Variants in ZC3H14 observed in about 807,000 individuals in gnomAD.
ZC3H14 encodes zinc finger CCCH domain-containing protein 14.
A neutral mutation model predicts 92.4 loss-of-function variants in ZC3H14; 31 were observed. The ratio of observed to expected loss-of-function variants is 0.34; its 90% CI spans 0.25 to 0.45. The LOEUF is 0.45. ZC3H14 is among the 20% of genes least tolerant of loss of function. The probability of loss-of-function intolerance (pLI) is 1.00; values close to 1 mark genes in which losing one functional copy is unlikely to be tolerated. For missense variants in ZC3H14, 781 were observed against 897.3 expected, an observed-to-expected ratio of 0.87 and a Z score of 1.66; for synonymous variants, 321 against 300.9, an observed-to-expected ratio of 1.07 and a Z score of -0.69.
intron 15 of ZC3H14, among the ~76,000 whole-genome samples, chr14:88,610,172 A>T (rs2086335906): frequency 6.6e-6 from 1 of 152,152 alleles, no homozygotes. Flanking sequence ...CCAAACTTGT[A>T]CTGATGATGG....
chr14:88,564,850 TGTTCTGAGGAAAATCATTTTA>T (rs2079363151), intron 2 of ZC3H14, among the ~76,000 whole-genome samples: 1 of 152,242 alleles, frequency 6.6e-6, no homozygotes. Flanking sequence ...GAAATACGAT[TGTTCTGAGGAAAATCATTTTA>T]GTTGAGAACT....
At position 88,619,111 on chromosome 14, in the gene ZC3H14, A is replaced by C. The variant is rs1174356080; in HGVS notation, c.*7360A>C. On this transcript the variant is annotated 3_prime_UTR_variant, in exon 17 of 17. Transcript: ENST00000251038. ...CCAGGCCCAGTGGCTCACACCTATA[A>C]TCCCAGAACTTTGGGAAGCGGAGGC... 10 of 191,876 alleles carry C rather than the reference A, an allele frequency of 5.2e-5. No individual in the cohort carries two copies. In the Admixed American group the frequency reaches 5.8e-4, roughly 11 times the overall value. 11.9% of individuals were successfully genotyped at this position (191,876 alleles called of 1,614,324 possible).
chr14:88,624,730 A>G lies in ZC3H14; in HGVS notation c.*12979A>G, dbSNP rs1595237760. 2.1e-6 allele frequency: 1 copy of G among 467,416 alleles called. No individual in the cohort carries two copies. The highest frequency in any genetic ancestry group is 4.0e-5 in the East Asian group (1 of 25,176). 29.0% of individuals were successfully genotyped at this position (467,416 alleles called of 1,614,324 possible). A position where few individuals can be genotyped will look rare whatever the true frequency, so the allele number is the denominator to read the frequency against. On this transcript the variant is annotated 3_prime_UTR_variant, in exon 17 of 17. Transcript: ENST00000251038. ...TAAGAAAAGTAACTCAACTTGTAGG[A>G]CAACTACCTATCCACACCTCAGAAA... is the stretch of plus-strand genomic sequence containing the variant.
chr14:88,622,584 C>G lies in ZC3H14; in HGVS notation c.*10833C>G, dbSNP rs1216479852. Reference sequence around the variant, plus strand: ...CTTTCTGTTTTCTGCTGCACTGTATCAGCTCATGGAACATCTTACTTTGCC... The same window carrying G: ...CTTTCTGTTTTCTGCTGCACTGTATGAGCTCATGGAACATCTTACTTTGCC... On this transcript the variant is annotated 3_prime_UTR_variant, in exon 17 of 17. Transcript: ENST00000251038. 1 of 1,564,156 alleles carries G rather than the reference C, an allele frequency of 6.4e-7. No homozygotes were observed. The highest frequency in any genetic ancestry group is 8.7e-7 in the Non-Finnish European group (1 of 1,152,234).
intron 9 of ZC3H14, among the ~76,000 whole-genome samples, chr14:88,581,174 T>C (rs759199959): frequency 3.6e-4 from 55 of 152,350 alleles, no homozygotes; most frequent in Admixed American, 2.0e-4. Context: ...TTTCTAGTTC[T>C]GTCTACTAGA....
intron 10 of ZC3H14, among the ~76,000 whole-genome samples, chr14:88,599,476 C>G: frequency 6.6e-6 from 1 of 152,132 alleles, no homozygotes; most frequent in East Asian, 1.9e-4. Context: ...TACTTACTCC[C>G]CCGTCTGTCT....
chr14:88,609,540 A>G, intron 14 of ZC3H14, 137 bp downstream of exon 14: 1 of 1,422,142 alleles, frequency 7.0e-7, no homozygotes, highest in South Asian at 1.2e-5. Flanking sequence ...CAGTCTTTAA[A>G]GAGCAAGTGT....
In ZC3H14 at chr14:88,614,851, A is replaced by G. The variant is rs758692138; in HGVS notation, c.*3100A>G. On this transcript the variant is annotated 3_prime_UTR_variant, in exon 17 of 17. Transcript: ENST00000251038. ...AAACCTATGGAGTGGCACACATCTA[A>G]ACAAATTTTCCCAATAGAAAAAAGG... 22 of 152,210 alleles carry G rather than the reference A, an allele frequency of 1.4e-4. No homozygotes were observed. Among genetic ancestry groups the G allele is most frequent in the Non-Finnish European group, 2.2e-4 (15 of 68,020 alleles). 9.4% of individuals were successfully genotyped at this position (152,210 alleles called of 1,614,324 possible). A position where few individuals can be genotyped will look rare whatever the true frequency, so the allele number is the denominator to read the frequency against.
In ZC3H14 at chr14:88,610,873, A is replaced by G; in HGVS notation, c.2137A>G (p.Thr713Ala). 6.2e-7 allele frequency: 1 copy of G among 1,614,192 alleles called. No homozygotes were observed. Among genetic ancestry groups the G allele is most frequent in the Middle Eastern group, 1.6e-4 (1 of 6,062 alleles). The change falls in exon 16 of 17, where the codon ACA becomes GCA. Residue 713 changes from threonine to alanine, a missense_variant. Thr to Ala is a moderately conservative substitution (Grantham distance 58, BLOSUM62 0). Transcript: ENST00000251038. ...FNTQCTRPDCTFYHPTINVPP... is the reference protein window; with the variant it reads ...FNTQCTRPDCAFYHPTINVPP... ...CACTCAATGTACAAGACCGGACTGC[A>G]CATTCTACCATCCCACCATTAATGT...
chr14:88,573,472 T>G (rs1341941072), intron 6 of ZC3H14, among the ~76,000 whole-genome samples: 1 of 152,156 alleles, frequency 6.6e-6, no homozygotes, highest in Admixed American at 6.5e-5. Context: ...TCACTCTTGT[T>G]GCCCAGGCTG....
Position 88,615,529 on chromosome 14 carries a change from T to G in ZC3H14, c.*3778T>G, listed in dbSNP as rs2087459984. On this transcript the variant is annotated 3_prime_UTR_variant, in exon 17 of 17. Transcript: ENST00000251038. ...CTCTACCCTAAATTTTCCCAGCAGG[T>G]CTGCCGAAATCACACACTTCCCAAT... 1 of 329,898 alleles carries G rather than the reference T, an allele frequency of 3.0e-6. No individual in the cohort carries two copies. The highest frequency in any genetic ancestry group is 1.3e-4 in the South Asian group (1 of 7,900). The allele number at this position is 329,898 out of a possible 1,614,324, so 20.4% of individuals were successfully genotyped here.
chr14:88,620,681 G>A lies in ZC3H14; in HGVS notation c.*8930G>A, dbSNP rs1054415786. On this transcript the variant is annotated 3_prime_UTR_variant, in exon 17 of 17. Coordinates refer to ENST00000251038, the MANE Select transcript of ZC3H14 (RefSeq NM_024824.5). The surrounding 1 kb of genome is among the most constrained non-coding windows in gnomAD (Gnocchi z 4.3). The stretch of plus-strand genomic sequence containing the variant: ...CCTGGGGACCTCTTTTTGAAGGCAA[G>A]GCTATGGAAAATTTTACAAATGGAA... 1.1e-5 allele frequency: 15 copies of A among 1,332,950 alleles called. No homozygotes were observed. The Admixed American group carries it at 4.8e-4, about 43-fold the overall frequency. The allele number at this position is 1,332,950 out of a possible 1,614,324, so 82.6% of individuals were successfully genotyped here. A position where few individuals can be genotyped will look rare whatever the true frequency, so the allele number is the denominator to read the frequency against.
At position 88,620,819 on chromosome 14, in the gene ZC3H14, T is replaced by C. The variant is rs1280940198; in HGVS notation, c.*9068T>C. ...CCCATATTTTTAGAGAACTCACTAG[T>C]AAAATGATAAATTCTCCATTTTTCA... On this transcript the variant is annotated 3_prime_UTR_variant, in exon 17 of 17. Coordinates refer to ENST00000251038, the MANE Select transcript of ZC3H14 (RefSeq NM_024824.5). This position sits in a 1 kb window ranked among gnomAD's most constrained non-coding sequence, Gnocchi z 4.3. The C allele has an allele frequency of 6.2e-7, 1 of 1,607,990 alleles. No homozygotes were observed. The highest frequency in any genetic ancestry group is 2.2e-5 in the East Asian group (1 of 44,714).
At position 88,616,884 on chromosome 14, in the gene ZC3H14, AG is replaced by A. The variant is rs1370888457; in HGVS notation, c.*5136del. The A allele has an allele frequency of 6.2e-7, 1 of 1,612,784 alleles. No individual in the cohort carries two copies. Among genetic ancestry groups the A allele is most frequent in the Non-Finnish European group, 8.5e-7 (1 of 1,179,398 alleles). On this transcript the variant is annotated 3_prime_UTR_variant, in exon 17 of 17. Coordinates refer to ENST00000251038, the MANE Select transcript of ZC3H14 (RefSeq NM_024824.5). The stretch of plus-strand genomic sequence containing the variant: ...AAAACCTCATCTCCTAGAATACTAG[AG>A]GGAAGGAACAAAAGAAAACTCATCA...
rs2089002318 is a variant in ZC3H14 at position 88,621,795 on chromosome 14, A to G, written c.*10044A>G. 2 of 372,356 alleles carry G rather than the reference A, an allele frequency of 5.4e-6. No individual in the cohort carries two copies. Among genetic ancestry groups the G allele is most frequent in the Non-Finnish European group, 1.1e-5 (2 of 186,094 alleles). 23.1% of individuals were successfully genotyped at this position (372,356 alleles called of 1,614,324 possible). A position where few individuals can be genotyped will look rare whatever the true frequency, so the allele number is the denominator to read the frequency against. On this transcript the variant is annotated 3_prime_UTR_variant, in exon 17 of 17. Transcript: ENST00000251038. ...GTTTTGAATTTTTATTTTGAAATTG[A>G]CACATAATTATACATATCTATAGGG...
chr14:88,609,416 C>T lies in ZC3H14; in HGVS notation c.2005+13C>T. 1 of 1,613,482 alleles carries T rather than the reference C, an allele frequency of 6.2e-7. No homozygotes were observed. The highest frequency in any genetic ancestry group is 2.2e-5 in the East Asian group (1 of 44,844). On this transcript the variant is annotated intron_variant, in intron 14 of 16. Transcript: ENST00000251038. ...TCTCCAAAACCAGGTGAGTGAGTGA[C>T]TGTGCTACTACATTTGGGTAAAAAA... is the stretch of plus-strand genomic sequence containing the variant.
At chr14:88,591,731 AC>A (rs1232647900) in intron 9 of ZC3H14, 1 of 152,178 alleles carries the variant, frequency 6.6e-6, no homozygotes, top group Non-Finnish European at 1.5e-5. Context: ...GAACATGTGC[AC>A]CCTTTGTATA....
Position 88,571,982 on chromosome 14 carries a change from A to C in ZC3H14, c.236-48A>C, listed in dbSNP as rs773928529. 7.9e-6 allele frequency: 11 copies of C among 1,391,772 alleles called. No homozygotes were observed. In the East Asian group the frequency reaches 2.4e-4, roughly 30 times the overall value. The allele number at this position is 1,391,772 out of a possible 1,614,324, so 86.2% of individuals were successfully genotyped here. The stretch of plus-strand genomic sequence containing the variant: ...CATCTCAAAAATAAATAAATAAATA[A>C]AAATAAGAAATAAAAATAGATTAAA... On this transcript the variant is annotated intron_variant, in intron 4 of 16. Coordinates refer to ENST00000251038, the MANE Select transcript of ZC3H14 (RefSeq NM_024824.5).
chr14:88,611,315 A>T (rs1014712792), intron 16 of ZC3H14, among the ~76,000 whole-genome samples: 6 of 151,598 alleles, frequency 4.0e-5, no homozygotes, highest in Admixed American at 1.3e-4. Flanking sequence ...GGGGTCTTGA[A>T]CTCCTGAGCT....
Sources: gnomAD v4.1 joint callset for allele counts (sites outside exome capture counted in the v4.1 genomes callset) on GRCh38, gnomAD v4.1.1 for gene constraint, Gnocchi (gnomAD v3.1) non-coding constraint, MANE v1.5 for transcripts, NCBI Gene and HGNC (gene_info 2026-07-23, HGNC 2026-07-21) for gene names.